DLG2: variants seen among roughly 807,000 people sequenced by gnomAD.
DLG2 encodes the protein disks large homolog 2.
Under a neutral mutation model 132.5 loss-of-function variants are expected in DLG2, and 45 were observed. The ratio of observed to expected loss-of-function variants is 0.34; its 90% CI spans 0.27 to 0.44. The LOEUF (loss-of-function observed/expected upper bound fraction) is 0.44. Ranked by LOEUF, DLG2 falls within the 20% of genes least tolerant of loss-of-function variation. The pLI, the probability that DLG2 is intolerant of heterozygous loss-of-function variation, is 1.00. For missense variants in DLG2, 1,045 were observed against 1,196.9 expected (o/e 0.87, Z 1.87); for synonymous variants, 424 against 419.6 (o/e 1.01, Z -0.13).
intron 6 of DLG2, among the ~76,000 whole-genome samples, chr11:84,978,853 A>T (rs1162672929): frequency 6.6e-6 from 1 of 152,228 alleles, no homozygotes; most frequent in Admixed American, 6.5e-5. Context: ...ACAGCAAAAG[A>T]AACTACCATC....
chr11:84,844,135 G>GTATATATA (rs74200849), intron 6 of DLG2, among the ~76,000 whole-genome samples: 49 of 43,682 alleles, frequency 1.1e-3, no homozygotes, highest in East Asian at 9.2e-3. Context: ...GTGTGTGTGT[G>GTATATATA]TATATATATA....
intron 14 of DLG2, among the ~76,000 whole-genome samples, chr11:83,952,737 G>A (rs931149557): frequency 2.6e-5 from 4 of 151,424 alleles, no homozygotes; most frequent in African/African-American, 7.3e-5. Flanking sequence ...CAAATTACAT[G>A]AATAAACATA....
chr11:83,995,096 G>A (rs115333242), intron 11 of DLG2, among the ~76,000 whole-genome samples: 23 of 151,402 alleles, frequency 1.5e-4, no homozygotes, highest in African/African-American at 5.3e-4. Flanking sequence ...CATATACATA[G>A]GAATGGGGGT....
intron 7 of DLG2, among the ~76,000 whole-genome samples, chr11:84,274,019 A>T (rs2097761897): frequency 6.6e-6 from 1 of 152,234 alleles, no homozygotes; most frequent in Admixed American, 6.5e-5. Context: ...AGATAATACA[A>T]GGAGAATCGT....
At chr11:84,939,829 T>C (rs1265098769) in intron 6 of DLG2, among the ~76,000 whole-genome samples, 3 of 152,346 alleles carry the variant, frequency 2.0e-5, no homozygotes, top group Middle Eastern at 3.4e-3. Context: ...TGTCTATTGA[T>C]GGACATTTAA....
rs565555097 is a variant in DLG2, at chr11:85,102,537, G to T, written c.357+9124C>A. ...AAGCCAATACATTATTTTAGCAAATGAAAGTTTTAAGTATTAAAAACAAAC... is the reference window on the plus strand; with the variant it reads ...AAGCCAATACATTATTTTAGCAAATTAAAGTTTTAAGTATTAAAAACAAAC... On this transcript the variant is annotated intron_variant, in intron 6 of 27. Coordinates refer to ENST00000376104, the MANE Select transcript of DLG2 (RefSeq NM_001142699.3). Among the ~76,000 whole-genome samples, 16 of 152,028 alleles carry T rather than the reference G, an allele frequency of 1.1e-4. No homozygotes were observed. In the East Asian group the frequency reaches 2.9e-3, roughly 28 times the overall value.
chr11:83,539,169 T>A (rs1286020450), intron 20 of DLG2, among the ~76,000 whole-genome samples: 3 of 152,194 alleles, frequency 2.0e-5, no homozygotes, highest in Non-Finnish European at 2.9e-5. Flanking sequence ...GAATGTTTTG[T>A]TCAATAAAAT....
intron 18 of DLG2, among the ~76,000 whole-genome samples, chr11:83,635,050 A>G (rs7127548): frequency 0.05 from 7,643 of 152,268 alleles, 675 homozygotes; most frequent in African/African-American, 0.17. Context: ...TTTTCTAGCA[A>G]GAGAAAACAT....
intron 6 of DLG2, among the ~76,000 whole-genome samples, chr11:84,684,152 T>A (rs2099735997): frequency 6.6e-6 from 1 of 152,210 alleles, no homozygotes; most frequent in Non-Finnish European, 1.5e-5. Flanking sequence ...GTGTATTTAT[T>A]TTCTACTTTG....
chr11:84,328,687 T>C (rs2098444801), intron 7 of DLG2, among the ~76,000 whole-genome samples: 1 of 152,208 alleles, frequency 6.6e-6, no homozygotes, highest in African/African-American at 2.4e-5. Context: ...AGAGTCTGAC[T>C]TGCCAGTGTA....
chr11:84,963,882 G>A (rs1389342519), intron 6 of DLG2, among the ~76,000 whole-genome samples: 1 of 152,082 alleles, frequency 6.6e-6, no homozygotes, highest in Non-Finnish European at 1.5e-5. Flanking sequence ...CTTTACACAG[G>A]GGAAACGGGA....
intron 4 of DLG2, among the ~76,000 whole-genome samples, chr11:85,283,249 G>GATTA (rs574804150): frequency 6.6e-6 from 1 of 150,808 alleles, no homozygotes; most frequent in South Asian, 2.1e-4. Context: ...GTTAAAAATT[G>GATTA]ATTAATTAAT....
intron 7 of DLG2, among the ~76,000 whole-genome samples, chr11:84,467,301 A>AC (rs1424726644): frequency 1.3e-5 from 2 of 151,376 alleles, no homozygotes; most frequent in Non-Finnish European, 1.5e-5. Context: ...TTTTACACCA[A>AC]CTTCTTATTC....
rs574820328 is a variant in DLG2 at position 84,857,530 on chromosome 11, T to A, written c.357+254131A>T. 3.9e-5 allele frequency among the ~76,000 whole-genome samples: 6 copies of A among 152,212 alleles called. No homozygotes were observed. In the South Asian group the frequency reaches 1.0e-3, roughly 26 times the overall value. ...TTATTTCATTTTTAAGTATGTAATA[T>A]ACAATGGATTTAAATAAGTTTTCTG... On this transcript the variant is annotated intron_variant, in intron 6 of 27. Transcript: ENST00000376104.
intron 6 of DLG2, among the ~76,000 whole-genome samples, chr11:84,661,668 C>T (rs1245004704): frequency 6.6e-6 from 1 of 152,072 alleles, no homozygotes; most frequent in East Asian, 1.9e-4. Flanking sequence ...GAGTTCCTCA[C>T]AATTCAGTAT....
chr11:83,719,794 A>C (rs973717493), intron 18 of DLG2, among the ~76,000 whole-genome samples: 2 of 152,178 alleles, frequency 1.3e-5, no homozygotes, highest in African/African-American at 2.4e-5. Context: ...TTCCAAAAGA[A>C]TTTGGGGGAC....
intron 4 of DLG2, among the ~76,000 whole-genome samples, chr11:85,236,270 G>T (rs2075582287): frequency 6.6e-6 from 1 of 151,960 alleles, no homozygotes; most frequent in Non-Finnish European, 1.5e-5. Context: ...AGTTTGCCAG[G>T]ACTTCTATAA....
intron 4 of DLG2, among the ~76,000 whole-genome samples, chr11:85,203,773 G>C (rs1408312995): frequency 1.3e-5 from 2 of 152,018 alleles, no homozygotes; most frequent in African/African-American, 4.8e-5. Context: ...GATAAACATA[G>C]ATGCAAAAAT....
Position 84,059,492 on chromosome 11 carries a change from G to C in DLG2, c.750-8C>G, listed in dbSNP as rs145500566. ...AAGATACAATCATTGACCCTGCAAG[G>C]AAGGAAAAGAGTCAAGATTCAGAAG... On this transcript the variant is annotated splice_polypyrimidine_tract_variant and splice_region_variant and intron_variant, in intron 10 of 27. Coordinates refer to ENST00000376104, the MANE Select transcript of DLG2 (RefSeq NM_001142699.3). 1.3e-6 allele frequency: 2 copies of C among 1,556,678 alleles called. No homozygotes were observed. Among genetic ancestry groups the C allele is most frequent in the East Asian group, 4.8e-5 (2 of 41,294 alleles).
Sources: allele counts gnomAD v4.1 joint callset (sites outside exome capture counted in the v4.1 genomes callset), GRCh38; gene constraint gnomAD v4.1.1; transcripts MANE v1.5; gene names NCBI Gene and HGNC (gene_info 2026-07-23, HGNC 2026-07-21).